Variants in DIAPH3 observed in about 807,000 individuals in gnomAD.
DIAPH3 encodes the protein protein diaphanous homolog 3.
In DIAPH3, 117 loss-of-function variants were observed where a neutral mutation model predicts 144.3. The observed-to-expected ratio is 0.81, with a 90% confidence interval of 0.70 to 0.95. The LOEUF is 0.95. DIAPH3 is among the 40% of genes least tolerant of loss of function. The pLI is 0.00. For missense variants in DIAPH3, 1,421 were observed against 1,412.7 expected (o/e 1.01, Z -0.09); for synonymous variants, 519 against 488.9 (o/e 1.06, Z -0.81).
intron 4 of DIAPH3, among the ~76,000 whole-genome samples, chr13:60,052,487 G>C (rs1248287773): frequency 6.6e-6 from 1 of 152,106 alleles, no homozygotes; most frequent in African/African-American, 2.4e-5. Flanking sequence ...AGTAGCATAA[G>C]GAAAAGCAAT....
intron 7 of DIAPH3, among the ~76,000 whole-genome samples, chr13:60,013,550 C>A (rs551747285): frequency 1.3e-5 from 2 of 152,290 alleles, no homozygotes; most frequent in South Asian, 4.1e-4. Flanking sequence ...ATTATCTTTT[C>A]TTTCCCCTAC....
chr13:60,043,385 A>AACATC (rs2055831779), intron 4 of DIAPH3, among the ~76,000 whole-genome samples: 2 of 152,228 alleles, frequency 1.3e-5, no homozygotes, highest in African/African-American at 4.8e-5. Context: ...CTAACTTGGC[A>AACATC]GAACAGATCA....
chr13:59,915,542 A>T (rs989375616), intron 19 of DIAPH3, among the ~76,000 whole-genome samples: 3 of 152,094 alleles, frequency 2.0e-5, no homozygotes, highest in African/African-American at 7.2e-5. Flanking sequence ...TTGATTCTCC[A>T]ACTTTAAATT....
At chr13:59,965,400 C>T (rs1225283188) in intron 17 of DIAPH3, among the ~76,000 whole-genome samples, 16 of 151,956 alleles carry the variant, frequency 1.1e-4, no homozygotes, top group Non-Finnish European at 1.8e-4. Flanking sequence ...GCCCTTTAAT[C>T]CCTATTAACA....
At position 59,924,862 on chromosome 13, in the gene DIAPH3, C is replaced by T; in HGVS notation, c.2083G>A (p.Glu695Lys). 6 of 1,599,846 alleles carry T rather than the reference C, an allele frequency of 3.8e-6. No individual in the cohort carries two copies. The highest frequency in any genetic ancestry group is 5.1e-6 in the Non-Finnish European group (6 of 1,170,240). The change falls in exon 18 of 28, where the codon GAA becomes AAA. Residue 695 changes from glutamate (E) to lysine (K), a missense_variant. By Grantham distance (56) the Glu-to-Lys change is moderately conservative. Coordinates refer to ENST00000400324, the MANE Select transcript of DIAPH3 (RefSeq NM_001042517.2). Reference protein sequence around the residue: ...TFCCQQKERREEEDIEEKKSI... With the variant: ...TFCCQQKERRKEEDIEEKKSI... ...TTCTTCTCTTCAATATCTTCCTCTT[C>T]TCTTCTCTCTGTAAAACCAAGATAG...
At chr13:59,706,827 T>C (rs1377775824) in intron 27 of DIAPH3, among the ~76,000 whole-genome samples, 1 of 152,220 alleles carries the variant, frequency 6.6e-6, no homozygotes, top group Non-Finnish European at 1.5e-5. Flanking sequence ...AGATTACTAT[T>C]AATAATTGTG....
intron 27 of DIAPH3, among the ~76,000 whole-genome samples, chr13:59,681,779 TG>T (rs2032965239): frequency 6.6e-6 from 1 of 152,158 alleles, no homozygotes; most frequent in African/African-American, 2.4e-5. Context: ...GGAGGCTTTG[TG>T]GGATTAAGAA....
chr13:60,112,141 T>C lies in DIAPH3; in HGVS notation c.259A>G (p.Arg87Gly), dbSNP rs2138068019. Reference sequence around the variant, plus strand: ...GTCTTCAGGTTGGGAAGTGGAGGTCTCTCTTTCTTGCTCCCTGGAATTCTT... The same window carrying C: ...GTCTTCAGGTTGGGAAGTGGAGGTCCCTCTTTCTTGCTCCCTGGAATTCTT... ...SIRIPGSKKE[R>G]PPLPNLKTAF... Residue 87 changes from arginine to glycine, a missense_variant, in exon 3 of 28, where the codon AGA becomes GGA. By Grantham distance (125) the Arg-to-Gly change is moderately radical. Transcript: ENST00000400324. The C allele has an allele frequency of 1.2e-6, 2 of 1,614,154 alleles. No individual in the cohort carries two copies. Among genetic ancestry groups the C allele is most frequent in the South Asian group, 2.2e-5 (2 of 91,086 alleles).
At chr13:59,997,871 A>G (rs1276191383) in intron 9 of DIAPH3, among the ~76,000 whole-genome samples, 1 of 152,088 alleles carries the variant, frequency 6.6e-6, no homozygotes, top group Non-Finnish European at 1.5e-5. Context: ...ACAACATATC[A>G]GCTTCAGGAG....
chr13:59,909,347 T>TG (rs977732946), intron 20 of DIAPH3, among the ~76,000 whole-genome samples: 4 of 151,916 alleles, frequency 2.6e-5, no homozygotes, highest in African/African-American at 9.7e-5. Flanking sequence ...ATTTTGTTTT[T>TG]TTTTTTTTTG....
intron 5 of DIAPH3, among the ~76,000 whole-genome samples, chr13:60,027,476 G>A (rs1166542540): frequency 6.6e-6 from 1 of 151,872 alleles, no homozygotes; most frequent in Non-Finnish European, 1.5e-5. Flanking sequence ...GTTTCTTTTT[G>A]GCTATAACAT....
At chr13:59,672,598 G>T (rs1400089184) in intron 27 of DIAPH3, among the ~76,000 whole-genome samples, 1 of 152,194 alleles carries the variant, frequency 6.6e-6, no homozygotes, top group East Asian at 1.9e-4. Flanking sequence ...ATAGTAAAGT[G>T]TGTGACAAAT....
intron 1 of DIAPH3, among the ~76,000 whole-genome samples, chr13:60,151,930 G>A (rs1272468799): frequency 1.3e-5 from 2 of 152,050 alleles, no homozygotes; most frequent in African/African-American, 2.4e-5. Flanking sequence ...AATTGTAATT[G>A]TCATTATGCA....
At chr13:60,008,675 A>ACC in intron 8 of DIAPH3, 26 bp from the exon 9 acceptor site, 1 of 1,438,068 alleles carries the variant, frequency 7.0e-7, no homozygotes, top group Non-Finnish European at 9.8e-7. Context: ...AGTCAATTAA[A>ACC]TTGCAAGTAG....
chr13:59,672,289 C>A (rs2032417024), intron 27 of DIAPH3, among the ~76,000 whole-genome samples: 1 of 152,150 alleles, frequency 6.6e-6, no homozygotes, highest in Non-Finnish European at 1.5e-5. Flanking sequence ...GCACTGGCTT[C>A]TTAGGAGTGC....
chr13:60,097,297 A>G (rs1433874424), intron 3 of DIAPH3, among the ~76,000 whole-genome samples: 1 of 152,194 alleles, frequency 6.6e-6, no homozygotes, highest in Non-Finnish European at 1.5e-5. Context: ...TCATGGGTGC[A>G]GCTCCCTCAT....
intron 25 of DIAPH3, among the ~76,000 whole-genome samples, chr13:59,781,505 TC>T (rs2038734309): frequency 6.6e-6 from 1 of 152,034 alleles, no homozygotes; most frequent in Non-Finnish European, 1.5e-5. Flanking sequence ...CAAAAGGAAT[TC>T]CCAGGATGTC....
intron 21 of DIAPH3, among the ~76,000 whole-genome samples, chr13:59,877,241 T>C (rs187005938): frequency 6.6e-6 from 1 of 152,292 alleles, no homozygotes; most frequent in Non-Finnish European, 1.5e-5. Context: ...CCAGTAGCAA[T>C]ATCTCCCATT....
intron 1 of DIAPH3, among the ~76,000 whole-genome samples, chr13:60,139,993 T>C (rs2059391186): frequency 6.6e-6 from 1 of 152,200 alleles, no homozygotes; most frequent in African/African-American, 2.4e-5. Flanking sequence ...CCAAGACCTT[T>C]TTCATTGTCT....
Sources: gnomAD v4.1 joint callset for allele counts (sites outside exome capture counted in the v4.1 genomes callset) on GRCh38, gnomAD v4.1.1 for gene constraint, MANE v1.5 for transcripts, NCBI Gene and HGNC (gene_info 2026-07-23, HGNC 2026-07-21) for gene names.